The following CCT6B variants were observed in gnomAD, a reference collection of about 807,000 sequenced individuals.
CCT6B encodes chaperonin containing TCP1 subunit 6B, also known as probable T-complex protein 1 subunit zeta-2.
In CCT6B, 49 loss-of-function variants were observed where a neutral mutation model predicts 61.5. The observed-to-expected ratio is 0.80, with a 90% CI of 0.63 to 1.01. The LOEUF (loss-of-function observed/expected upper bound fraction) is 1.01. Among genes scored for constraint, CCT6B ranks in the 50% least tolerant of loss-of-function variants. CCT6B has a pLI of 0.00. For missense variants in CCT6B, 666 were observed against 634.7 expected, an observed-to-expected ratio of 1.05 and a Z score of -0.53; for synonymous variants, 228 against 214.5, an observed-to-expected ratio of 1.06 and a Z score of -0.55.
At chr17:34,954,402 GA>G in intron 4 of CCT6B, 23 bp downstream of exon 4, 1 of 1,564,578 alleles carries the variant, frequency 6.4e-7, no homozygotes, top group South Asian at 1.2e-5. Context: ...TATTTGTTCT[GA>G]ATGCAAAAGT....
chr17:34,959,122 A>AATTTTTT (rs2090381379), intron 2 of CCT6B, among the ~76,000 whole-genome samples: 1 of 91,834 alleles, frequency 1.1e-5, no homozygotes, highest in Non-Finnish European at 2.2e-5. Context: ...AAAAAAAAAA[A>AATTTTTT]CTTTTTTTTT....
At chr17:34,930,403 T>A (rs1169610816) in intron 12 of CCT6B, among the ~76,000 whole-genome samples, 2 of 152,174 alleles carry the variant, frequency 1.3e-5, no homozygotes, top group African/African-American at 2.4e-5. Flanking sequence ...CTCTCTCACC[T>A]CCTTCCTCAG....
At chr17:34,955,540 G>A (rs377071136) in intron 3 of CCT6B, among the ~76,000 whole-genome samples, 1 of 152,124 alleles carries the variant, frequency 6.6e-6, no homozygotes, top group Non-Finnish European at 1.5e-5. Context: ...TGGGTAAAAA[G>A]TATACAGGAA....
At chr17:34,930,404 C>A (rs1475478984) in intron 12 of CCT6B, among the ~76,000 whole-genome samples, 2 of 152,192 alleles carry the variant, frequency 1.3e-5, no homozygotes, top group African/African-American at 2.4e-5. Flanking sequence ...TCTCTCACCT[C>A]CTTCCTCAGA....
rs767479633 is a variant in CCT6B, at chr17:34,954,632, A to T, written c.337-33T>A. On this transcript the variant is annotated intron_variant, in intron 3 of 13. Coordinates refer to ENST00000314144, the MANE Select transcript of CCT6B (RefSeq NM_006584.4). ...ATCAACATAAAATTATAAATTATAAAATAAGTCACCCAATGTAAAAGTAAC... is the reference window on the plus strand; with the variant it reads ...ATCAACATAAAATTATAAATTATAATATAAGTCACCCAATGTAAAAGTAAC... 5 of 1,542,280 alleles carry T rather than the reference A, an allele frequency of 3.2e-6. No individual in the cohort carries two copies. The African/African-American group carries it at 7.0e-5, about 22-fold the overall frequency.
chr17:34,947,884 A>T (rs554523866), intron 5 of CCT6B, among the ~76,000 whole-genome samples: 12 of 151,122 alleles, frequency 7.9e-5, no homozygotes, highest in Admixed American at 7.9e-4. Flanking sequence ...CGGAAGGCTG[A>T]GGGAATCACT....
chr17:34,955,800 GTAT>G (rs1038082277), intron 3 of CCT6B, among the ~76,000 whole-genome samples: 19 of 151,896 alleles, frequency 1.3e-4, no homozygotes, highest in Non-Finnish European at 2.2e-4. Flanking sequence ...CATGAAGTGG[GTAT>G]TATTATTATT....
At position 34,929,023 on chromosome 17, in the gene CCT6B, C is replaced by G. The variant is rs758677859; in HGVS notation, c.1462G>C (p.Val488Leu). 25 of 1,606,324 alleles carry G rather than the reference C, an allele frequency of 1.6e-5. No individual in the cohort carries two copies. Among genetic ancestry groups the G allele is most frequent in the Middle Eastern group, 1.7e-4 (1 of 6,056 alleles). ...GVDLNTGEPMVAADAGVWDNY... is the reference protein window; with the variant it reads ...GVDLNTGEPMLAADAGVWDNY... ...TCCCAAACTCCTGCATCTGCTGCTACCATTGGCTCACCTGAAAAGTAAAAA... is the reference window on the plus strand; with the variant it reads ...TCCCAAACTCCTGCATCTGCTGCTAGCATTGGCTCACCTGAAAAGTAAAAA... Residue 488 changes from valine to leucine, a missense_variant, in exon 13 of 14, where the codon GTA becomes CTA. Val to Leu is a conservative substitution (Grantham distance 32). Coordinates refer to ENST00000314144, the MANE Select transcript of CCT6B (RefSeq NM_006584.4).
intron 10 of CCT6B, among the ~76,000 whole-genome samples, chr17:34,933,327 C>G (rs1384139): frequency 1 from 152,360 of 152,368 alleles, 76,176 homozygotes; most frequent in Non-Finnish European, 1. Context: ...ATCAGGATAT[C>G]ACTTTTATAT....
intron 3 of CCT6B, among the ~76,000 whole-genome samples, chr17:34,956,526 A>G (rs1207436086): frequency 6.6e-6 from 1 of 151,978 alleles, no homozygotes; most frequent in East Asian, 1.9e-4. Flanking sequence ...ACCCTTGCCA[A>G]ACTCCTTTCT....
At chr17:34,951,117 A>G (rs2090286825) in intron 5 of CCT6B, among the ~76,000 whole-genome samples, 1 of 152,230 alleles carries the variant, frequency 6.6e-6, no homozygotes, top group Admixed American at 6.5e-5. Flanking sequence ...ACCTAAGTGC[A>G]CTATACAGAC....
chr17:34,956,289 T>C (rs1447045024), intron 3 of CCT6B, among the ~76,000 whole-genome samples: 1 of 152,218 alleles, frequency 6.6e-6, no homozygotes, highest in African/African-American at 2.4e-5. Flanking sequence ...TTTGCTTATG[T>C]TGTTCCTTCT....
chr17:34,941,004 T>C (rs1347577105), intron 7 of CCT6B, among the ~76,000 whole-genome samples: 1 of 152,156 alleles, frequency 6.6e-6, no homozygotes, highest in African/African-American at 2.4e-5. Context: ...TGGAATGATA[T>C]GTTATTTTGG....
At chr17:34,959,484 C>A in intron 2 of CCT6B, 103 bp downstream of exon 2, 1 of 848,178 alleles carries the variant, frequency 1.2e-6, no homozygotes, top group Non-Finnish European at 1.9e-6. Context: ...TATCTCAAGA[C>A]TGCAGTATTT....
At chr17:34,958,718 T>G (rs765445034) in intron 2 of CCT6B, 24 bp from the exon 3 acceptor site, 2 of 1,566,580 alleles carry the variant, frequency 1.3e-6, no homozygotes, top group Non-Finnish European at 1.7e-6. Flanking sequence ...GCAACAGATT[T>G]AAAAAGACAG....
At position 34,942,542 on chromosome 17, in the gene CCT6B, T is replaced by G; in HGVS notation, c.827A>C (p.Asp276Ala). ...CTGAGCACAGACTTTGTCCTTCAGG[T>G]CTATTATTTTTTGTACTCTATCTTC... ...FIEDRVQKII[D>A]LKDKVCAQSN... is the part of the protein sequence containing the mutation. Residue 276 changes from aspartate to alanine, a missense_variant, in exon 7 of 14, where the codon GAC (aspartate) becomes GCC (alanine). Asp to Ala is a moderately radical substitution (Grantham distance 126). Coordinates refer to ENST00000314144, the MANE Select transcript of CCT6B (RefSeq NM_006584.4). 1 of 1,607,990 alleles carries G rather than the reference T, an allele frequency of 6.2e-7. No homozygotes were observed. Among genetic ancestry groups the G allele is most frequent in the Non-Finnish European group, 8.5e-7 (1 of 1,178,110 alleles).
chr17:34,933,765 T>C (rs1428032826), intron 10 of CCT6B, among the ~76,000 whole-genome samples: 2 of 152,184 alleles, frequency 1.3e-5, no homozygotes, highest in South Asian at 2.1e-4. Context: ...AAGAGAAATT[T>C]ATATCACGAA....
intron 10 of CCT6B, among the ~76,000 whole-genome samples, chr17:34,933,496 A>G (rs2090059380): frequency 6.6e-6 from 1 of 152,224 alleles, no homozygotes; most frequent in African/African-American, 2.4e-5. Flanking sequence ...AACCGCTCAA[A>G]GAGTTGTTTA....
rs147082978 is a variant in CCT6B, at chr17:34,931,010, T to C, written c.1389A>G (p.Leu463=). 4 of 1,603,068 alleles carry C rather than the reference T, an allele frequency of 2.5e-6. No individual in the cohort carries two copies. The highest frequency in any genetic ancestry group is 3.4e-6 in the Non-Finnish European group (4 of 1,172,756). The change falls in exon 12 of 14, where the codon TTA becomes TTG. Residue 463 remains leucine (L), a synonymous_variant. Coordinates refer to ENST00000314144, the MANE Select transcript of CCT6B (RefSeq NM_006584.4). ...QNAGYDPQET[L]VKVQAEHVES... ...CGACATGCTCAGCCTGAACTTTTACTAATGTTTCCTGTGGGTCATAACCAG... is the reference window on the plus strand; with the variant it reads ...CGACATGCTCAGCCTGAACTTTTACCAATGTTTCCTGTGGGTCATAACCAG...
Sources: allele counts gnomAD v4.1 joint callset (sites outside exome capture counted in the v4.1 genomes callset), GRCh38; gene constraint gnomAD v4.1.1; transcripts MANE v1.5; gene names NCBI Gene and HGNC (gene_info 2026-07-23, HGNC 2026-07-21).